Variants in METAP1D observed in about 807,000 individuals in gnomAD.
The protein encoded by METAP1D is methionyl aminopeptidase type 1D, mitochondrial, also known as methionine aminopeptidase 1D, mitochondrial.
METAP1D carries 31 observed loss-of-function variants against 40.5 expected under a neutral mutation model. The ratio of observed to expected loss-of-function variants is 0.77; its 90% CI spans 0.58 to 1.03. The LOEUF is 1.03. Among genes scored for constraint, METAP1D ranks in the 50% least tolerant of loss-of-function variants. The pLI, the probability that METAP1D is intolerant of heterozygous loss-of-function variation, is 0.00. For missense variants in METAP1D, 411 were observed against 420.7 expected (o/e 0.98, Z 0.20); for synonymous variants, 151 against 146.4 (o/e 1.03, Z -0.22).
chr2:172,081,737 T>C lies in METAP1D; in HGVS notation c.*1331T>C, dbSNP rs1690722103. The C allele has an allele frequency of 6.6e-6, 1 of 152,244 alleles. No individual in the cohort carries two copies. Among genetic ancestry groups the C allele is most frequent in the Non-Finnish European group, 1.5e-5 (1 of 68,058 alleles). 9.4% of individuals were successfully genotyped at this position (152,244 alleles called of 1,614,324 possible). ...ACTCTTGTTTCTACTGAAGCGGGTTTTGCAAAGCTGACATCCCTTAAAGAT... is the reference window on the plus strand; with the variant it reads ...ACTCTTGTTTCTACTGAAGCGGGTTCTGCAAAGCTGACATCCCTTAAAGAT... On this transcript the variant is annotated 3_prime_UTR_variant, in exon 10 of 10. Coordinates refer to ENST00000315796, the MANE Select transcript of METAP1D (RefSeq NM_199227.3).
chr2:172,041,729 TATATATA>T (rs1689534379), intron 1 of METAP1D, among the ~76,000 whole-genome samples: 9 of 17,910 alleles, frequency 5.0e-4, no homozygotes, highest in East Asian at 6.2e-3. Context: ...AATTATTTTA[TATATATA>T]TATATATATA....
chr2:172,010,751 T>TTC (rs1341386896), intron 1 of METAP1D, among the ~76,000 whole-genome samples: 2 of 147,886 alleles, frequency 1.4e-5, no homozygotes, highest in Non-Finnish European at 3.0e-5. Context: ...GCCCAATGTT[T>TTC]TTTTTTTTTT....
chr2:172,043,901 C>T (rs1189479846), intron 1 of METAP1D, among the ~76,000 whole-genome samples: 1 of 134,448 alleles, frequency 7.4e-6, no homozygotes, highest in African/African-American at 2.5e-5. Context: ...TTGAGACTAG[C>T]CTGGGCAACA....
At chr2:172,049,464 G>A (rs2105455825) in intron 1 of METAP1D, among the ~76,000 whole-genome samples, 1 of 150,812 alleles carries the variant, frequency 6.6e-6, no homozygotes, top group Non-Finnish European at 1.5e-5. Context: ...CATATATATG[G>A]GCCAAATTGT....
Position 172,043,398 on chromosome 2 carries a change from T to G in METAP1D, c.41-18100T>G, listed in dbSNP as rs1293433844. On this transcript the variant is annotated intron_variant, in intron 1 of 9. Coordinates refer to ENST00000315796, the MANE Select transcript of METAP1D (RefSeq NM_199227.3). ...AGAGGAAAGGTAAGAGAGGGGTGAG[T>G]TGGCAGTGATGGAAAGCAAAGTCAA... Among the ~76,000 whole-genome samples the G allele has an allele frequency of 1.5e-5, 2 of 131,612 alleles. 1 individual carries two copies. Among genetic ancestry groups the G allele is most frequent in the Non-Finnish European group, 3.5e-5 (2 of 56,620 alleles). 86.3% of individuals were successfully genotyped at this position (131,612 alleles called of 152,430 possible).
intron 1 of METAP1D, among the ~76,000 whole-genome samples, chr2:172,039,003 T>C (rs1277108919): frequency 6.6e-6 from 1 of 152,188 alleles, no homozygotes; most frequent in African/African-American, 2.4e-5. Flanking sequence ...ATAAATTCTG[T>C]CCATTTTAGT....
chr2:172,058,985 T>C (rs1218845432), intron 1 of METAP1D, among the ~76,000 whole-genome samples: 1 of 152,210 alleles, frequency 6.6e-6, no homozygotes, highest in Non-Finnish European at 1.5e-5. Context: ...TCAAGCTTCG[T>C]GTGCGTCAGG....
At chr2:172,015,181 C>A (rs530462825) in intron 1 of METAP1D, among the ~76,000 whole-genome samples, 9 of 152,018 alleles carry the variant, frequency 5.9e-5, no homozygotes, top group African/African-American at 2.2e-4. Context: ...TGGTGGCTCA[C>A]GCCTGTAATC....
chr2:172,055,367 C>T (rs887180249), intron 1 of METAP1D, among the ~76,000 whole-genome samples: 1 of 152,180 alleles, frequency 6.6e-6, no homozygotes, highest in Admixed American at 6.5e-5. Flanking sequence ...ATTCAAGAGA[C>T]CATTTCTACA....
chr2:172,021,096 A>T (rs753360159), intron 1 of METAP1D, among the ~76,000 whole-genome samples: 16 of 145,562 alleles, frequency 1.1e-4, no homozygotes, highest in South Asian at 6.2e-4. Flanking sequence ...TTTTATTATT[A>T]AAAAAAATCC....
intron 1 of METAP1D, among the ~76,000 whole-genome samples, chr2:172,024,756 G>GTGTGTGTGTGTGTGTA (rs1553491390): frequency 1.4e-3 from 171 of 120,948 alleles, no homozygotes; most frequent in Non-Finnish European, 2.5e-3. Flanking sequence ...GATTGTGTGT[G>GTGTGTGTGTGTGTGTA]TGTGTGTGTG....
intron 6 of METAP1D, among the ~76,000 whole-genome samples, 157 bp from the exon 7 acceptor site, chr2:172,077,640 A>G (rs1327141434): frequency 7.2e-5 from 11 of 152,212 alleles, no homozygotes; most frequent in Admixed American, 3.9e-4. Context: ...AATTAAAATT[A>G]TTACAGCATA....
intron 1 of METAP1D, among the ~76,000 whole-genome samples, chr2:172,027,470 G>A (rs1317514398): frequency 3.3e-5 from 5 of 152,192 alleles, no homozygotes; most frequent in Non-Finnish European, 5.9e-5. Flanking sequence ...ATAGCATAGG[G>A]ATGTAGTAGG....
intron 1 of METAP1D, among the ~76,000 whole-genome samples, chr2:172,057,888 C>A (rs908039552): frequency 2.0e-5 from 3 of 151,584 alleles, no homozygotes; most frequent in Non-Finnish European, 4.4e-5. Flanking sequence ...GTATTAGAAG[C>A]TATACTGGAG....
chr2:172,010,840 C>T (rs1340372131), intron 1 of METAP1D, among the ~76,000 whole-genome samples: 10 of 151,002 alleles, frequency 6.6e-5, no homozygotes, highest in African/African-American at 2.2e-4. Flanking sequence ...CTGCAACCTC[C>T]GCCTCCCAGG....
intron 1 of METAP1D, among the ~76,000 whole-genome samples, chr2:172,018,947 T>G (rs1445149587): frequency 6.6e-6 from 1 of 152,200 alleles, no homozygotes; most frequent in Non-Finnish European, 1.5e-5. Flanking sequence ...TTCCTTGTCT[T>G]TCATGAGTCC....
At chr2:172,047,173 G>A (rs1001952117) in intron 1 of METAP1D, among the ~76,000 whole-genome samples, 9 of 152,186 alleles carry the variant, frequency 5.9e-5, no homozygotes, top group African/African-American at 2.2e-4. Context: ...CATAAGTGAT[G>A]TATGTTGGTA....
intron 1 of METAP1D, among the ~76,000 whole-genome samples, chr2:172,033,778 A>T (rs1689298029): frequency 6.6e-6 from 1 of 151,974 alleles, no homozygotes; most frequent in Non-Finnish European, 1.5e-5. Context: ...TTATTAAACC[A>T]TTAAAAAGAG....
intron 5 of METAP1D, among the ~76,000 whole-genome samples, chr2:172,069,488 T>A (rs1690371289): frequency 6.6e-6 from 1 of 152,224 alleles, no homozygotes; most frequent in Non-Finnish European, 1.5e-5. Context: ...GTTTCCAATG[T>A]GTCCAAAGAG....
Sources: allele counts gnomAD v4.1 joint callset (sites outside exome capture counted in the v4.1 genomes callset), GRCh38; gene constraint gnomAD v4.1.1; transcripts MANE v1.5; gene names NCBI Gene and HGNC (gene_info 2026-07-23, HGNC 2026-07-21).